RNGTT: variants seen among roughly 807,000 people sequenced by gnomAD.
RNGTT encodes the protein RNA guanylyltransferase and 5'-phosphatase.
A neutral mutation model predicts 79.3 loss-of-function variants in RNGTT; 33 were observed. That is an observed-to-expected ratio of 0.42 (90% CI 0.32 to 0.56). RNGTT has a LOEUF of 0.56. Ranked by LOEUF, RNGTT falls within the 20% of genes least tolerant of loss-of-function variation. RNGTT has a pLI of 0.17. For synonymous variants in RNGTT, 222 were observed against 235.9 expected (o/e 0.94, Z 0.54); for missense variants, 497 against 739.1 (o/e 0.67, Z 3.80).
chr6:88,671,817 T>A (rs1774651807), intron 14 of RNGTT, among the ~76,000 whole-genome samples: 1 of 152,150 alleles, frequency 6.6e-6, no homozygotes, highest in Admixed American at 6.6e-5. Flanking sequence ...TACTGCCAAC[T>A]GATCTTTGAC....
chr6:88,942,847 T>G (rs1310980950), intron 1 of RNGTT, among the ~76,000 whole-genome samples: 3 of 152,258 alleles, frequency 2.0e-5, no homozygotes, highest in Non-Finnish European at 4.4e-5. Context: ...CTCTCAGTTC[T>G]CACCTTAAGC....
intron 12 of RNGTT, among the ~76,000 whole-genome samples, chr6:88,799,457 G>A (rs145387145): frequency 2.3e-3 from 350 of 152,126 alleles, no homozygotes; most frequent in African/African-American, 7.8e-3. Context: ...CCAGCACTTT[G>A]GGAGGCCAAG....
chr6:88,860,669 A>G (rs943679024), intron 8 of RNGTT, among the ~76,000 whole-genome samples: 4 of 151,982 alleles, frequency 2.6e-5, no homozygotes, highest in African/African-American at 9.7e-5. Context: ...GCCAAAGTTG[A>G]TTTCTATTGC....
intron 6 of RNGTT, among the ~76,000 whole-genome samples, chr6:88,896,702 C>T (rs1783260916): frequency 1.3e-5 from 2 of 152,212 alleles, no homozygotes; most frequent in South Asian, 4.2e-4. Flanking sequence ...ATATTTAAGC[C>T]AGTTTAAGTT....
At chr6:88,887,257 A>T (rs1782894955) in intron 8 of RNGTT, among the ~76,000 whole-genome samples, 1 of 152,170 alleles carries the variant, frequency 6.6e-6, no homozygotes, top group African/African-American at 2.4e-5. Flanking sequence ...AAGGATAATA[A>T]AAAGAAATCC....
At position 88,733,369 on chromosome 6, in the gene RNGTT, C is replaced by G. The variant is rs77770467; in HGVS notation, c.1439+36405G>C. Among the ~76,000 whole-genome samples, 8 of 149,218 alleles carry G rather than the reference C, an allele frequency of 5.4e-5. No homozygotes were observed. The South Asian group carries it at 1.7e-3, about 32-fold the overall frequency. On this transcript the variant is annotated intron_variant, in intron 13 of 15. Coordinates refer to ENST00000369485, the MANE Select transcript of RNGTT (RefSeq NM_003800.5). Reference sequence around the variant, plus strand: ...GAGAGACTCTGTCTTCACCCCCCACCCCCCCTCCAAAAAAAAGAAAAAAGA... The same window carrying G: ...GAGAGACTCTGTCTTCACCCCCCACGCCCCCTCCAAAAAAAAGAAAAAAGA...
rs11312733 is a variant in RNGTT, at chr6:88,843,548, C to CTTTT, written c.1269+805_1269+808dup. On this transcript the variant is annotated intron_variant, in intron 11 of 15. Transcript: ENST00000369485. ...ACATCTTGGAATATTTAGTATGATT[C>CTTTT]TTTTTTTTTTTTTTTTTTTTTTTTT... Among the ~76,000 whole-genome samples the CTTTT allele has an allele frequency of 6.2e-4, 41 of 66,660 alleles. 2 individuals carry two copies. Among genetic ancestry groups the CTTTT allele is most frequent in the African/African-American group, 1.2e-3 (18 of 14,764 alleles). 43.7% of individuals were successfully genotyped at this position (66,660 alleles called of 152,430 possible). A position where few individuals can be genotyped will look rare whatever the true frequency, so the allele number is the denominator to read the frequency against.
In RNGTT at chr6:88,771,309, GTGTGTGTATA is replaced by G. The variant is rs1231708187; in HGVS notation, c.1339-1445_1339-1436del. ...CACAGGACTGTATGTATGTATGTGT[GTGTGTGTATA>G]TATATATATATATATATATATATAT... On this transcript the variant is annotated intron_variant, in intron 12 of 15. Transcript: ENST00000369485. Among the ~76,000 whole-genome samples the G allele has an allele frequency of 4.8e-3, 419 of 87,344 alleles. 6 individuals are homozygous for G. Among genetic ancestry groups the G allele is most frequent in the African/African-American group, 0.011 (222 of 20,116 alleles). The allele number at this position is 87,344 out of a possible 152,430, so 57.3% of individuals were successfully genotyped here. A position where few individuals can be genotyped will look rare whatever the true frequency, so the allele number is the denominator to read the frequency against.
rs553867191 is a variant in RNGTT, at chr6:88,643,564, ACAC to A, written c.1507-29172_1507-29170del. 3.7e-4 allele frequency among the ~76,000 whole-genome samples: 57 copies of A among 152,300 alleles called. 1 individual carries two copies. In the East Asian group the frequency reaches 0.011, roughly 29 times the overall value. ...CAGAATATACATTCTTCTCATCACC[ACAC>A]CACACCTATTCCAAAATTGGCCACA... On this transcript the variant is annotated intron_variant, in intron 14 of 15. Coordinates refer to ENST00000369485, the MANE Select transcript of RNGTT (RefSeq NM_003800.5).
At chr6:88,682,493 A>G (rs926298121) in intron 13 of RNGTT, among the ~76,000 whole-genome samples, 6 of 152,228 alleles carry the variant, frequency 3.9e-5, no homozygotes, top group Admixed American at 3.9e-4. Context: ...GAAAATGCAT[A>G]TCATTGATAA....
intron 13 of RNGTT, among the ~76,000 whole-genome samples, chr6:88,740,281 G>A (rs1041227622): frequency 3.3e-5 from 5 of 152,082 alleles, no homozygotes; most frequent in African/African-American, 1.2e-4. Flanking sequence ...ACTTTGGGGG[G>A]GCCGAGGCAG....
At chr6:88,778,766 A>G (rs1283376370) in intron 12 of RNGTT, among the ~76,000 whole-genome samples, 1 of 152,242 alleles carries the variant, frequency 6.6e-6, no homozygotes, top group East Asian at 1.9e-4. Flanking sequence ...AGTTTTGCTA[A>G]GAAAGAAAAA....
chr6:88,923,572 C>T (rs139477545), intron 4 of RNGTT, among the ~76,000 whole-genome samples: 19 of 152,164 alleles, frequency 1.2e-4, no homozygotes, highest in Admixed American at 4.6e-4. Flanking sequence ...GAGAAACAGA[C>T]GCAGGGAGGT....
chr6:88,899,567 T>C (rs1216737125), intron 6 of RNGTT, among the ~76,000 whole-genome samples: 1 of 151,874 alleles, frequency 6.6e-6, no homozygotes, highest in Non-Finnish European at 1.5e-5. Flanking sequence ...TGTGAGCAAC[T>C]GCACCCAGCC....
At chr6:88,883,852 G>C (rs1782772862) in intron 8 of RNGTT, among the ~76,000 whole-genome samples, 1 of 152,024 alleles carries the variant, frequency 6.6e-6, no homozygotes, top group Admixed American at 6.6e-5. Flanking sequence ...AAAGACAACA[G>C]AAAAGAAACA....
At chr6:88,655,083 A>C (rs748794744) in intron 14 of RNGTT, among the ~76,000 whole-genome samples, 5 of 152,354 alleles carry the variant, frequency 3.3e-5, no homozygotes, top group Non-Finnish European at 7.3e-5. Flanking sequence ...TAGTAAAAAT[A>C]AGTATTGATC....
chr6:88,648,652 G>C (rs1773676551), intron 14 of RNGTT, among the ~76,000 whole-genome samples: 1 of 151,952 alleles, frequency 6.6e-6, no homozygotes, highest in South Asian at 2.1e-4. Context: ...TATTTCTACA[G>C]AGGCAGAGAA....
chr6:88,786,828 C>T (rs769741416), intron 12 of RNGTT, among the ~76,000 whole-genome samples: 9 of 152,116 alleles, frequency 5.9e-5, no homozygotes, highest in Non-Finnish European at 1.3e-4. Flanking sequence ...AAATCCTAAG[C>T]CCCTAATGTG....
In RNGTT at chr6:88,844,517, T is replaced by A. The variant is rs780554576; in HGVS notation, c.1109A>T (p.Gln370Leu). 1.1e-5 allele frequency: 17 copies of A among 1,598,802 alleles called. No individual in the cohort carries two copies. In the East Asian group the frequency reaches 3.8e-4, roughly 36 times the overall value. Reference protein sequence around the residue: ...LIYDIIKFNSQPVGDCDFNVR... With the variant: ...LIYDIIKFNSLPVGDCDFNVR... Reference sequence around the variant, plus strand: ...ATTAAAATCACAATCTCCAACGGGCTGTGACTGAATTAAATAAAGAATTAG... The same window carrying A: ...ATTAAAATCACAATCTCCAACGGGCAGTGACTGAATTAAATAAAGAATTAG... The change falls in exon 11 of 16, where the codon CAG (glutamine) becomes CTG (leucine). Residue 370 changes from glutamine (Q) to leucine (L), a missense_variant. This residue lies in a region of RNGTT where 440 missense variants were observed against 671.5 expected (regional missense o/e 0.66). Coordinates refer to ENST00000369485, the MANE Select transcript of RNGTT (RefSeq NM_003800.5).
Sources: allele counts gnomAD v4.1 joint callset (sites outside exome capture counted in the v4.1 genomes callset), GRCh38; gene constraint gnomAD v4.1.1; regional missense constraint gnomAD v4.1.1; transcripts MANE v1.5; gene names NCBI Gene and HGNC (gene_info 2026-07-23, HGNC 2026-07-21).